CDH9: variants seen among roughly 807,000 people sequenced by gnomAD.
CDH9 encodes the protein cadherin 9, also known as cadherin-9.
Under a neutral mutation model 70.9 loss-of-function variants are expected in CDH9, and 28 were observed. The observed-to-expected ratio is 0.40, with a 90% CI of 0.29 to 0.54. CDH9 has a LOEUF of 0.54. CDH9 is among the 20% of genes least tolerant of loss of function. The probability of loss-of-function intolerance (pLI) is 0.59; values close to 1 mark genes in which losing one functional copy is unlikely to be tolerated. For missense variants in CDH9, 874 were observed against 984.4 expected, an observed-to-expected ratio of 0.89 and a Z score of 1.50; for synonymous variants, 409 against 343.1, an observed-to-expected ratio of 1.19 and a Z score of -2.12.
At chr5:26,945,304 C>A (rs1166695994) in intron 2 of CDH9, among the ~76,000 whole-genome samples, 1 of 151,638 alleles carries the variant, frequency 6.6e-6, no homozygotes, top group Non-Finnish European at 1.5e-5. Flanking sequence ...TTCTTACAAG[C>A]TTTAACTCAA....
At chr5:26,953,181 T>C (rs1218738835) in intron 2 of CDH9, among the ~76,000 whole-genome samples, 1 of 152,150 alleles carries the variant, frequency 6.6e-6, no homozygotes, top group Admixed American at 6.5e-5. Flanking sequence ...AACACTCTTC[T>C]TTAGAAAACC....
chr5:27,002,278 T>C (rs1579506209), intron 1 of CDH9, among the ~76,000 whole-genome samples: 1 of 152,154 alleles, frequency 6.6e-6, no homozygotes, highest in Non-Finnish European at 1.5e-5. Flanking sequence ...CAACAGGTGC[T>C]GGAGAGGATA....
chr5:26,881,264 C>A lies in CDH9; in HGVS notation c.2242G>T (p.Asp748Tyr). ...AGAGATTCCAAAGAACTGAGCGAAT[C>A]TGCTATGGAATCATTCCCTTCATAG... ...YAYEGNDSIA[D>Y]SLSSLESLTA... The change falls in exon 12 of 12, where the codon GAT (aspartate) becomes TAT (tyrosine). Residue 748 changes from aspartate (D) to tyrosine (Y), a missense_variant. By Grantham distance (160) the Asp-to-Tyr change is radical. Coordinates refer to ENST00000231021, the MANE Select transcript of CDH9 (RefSeq NM_016279.4). The A allele has an allele frequency of 6.2e-7, 1 of 1,613,476 alleles. No homozygotes were observed. The highest frequency in any genetic ancestry group is 8.5e-7 in the Non-Finnish European group (1 of 1,179,540).
chr5:26,950,988 G>C (rs930000746), intron 2 of CDH9, among the ~76,000 whole-genome samples: 3 of 151,998 alleles, frequency 2.0e-5, no homozygotes, highest in African/African-American at 7.2e-5. Flanking sequence ...TTGCATTGCT[G>C]GGGAGACACT....
In CDH9 at chr5:26,906,095, G is replaced by A. The variant is rs1295021778; in HGVS notation, c.675C>T (p.Ser225=). ...GIIKTALPDM[S]RENREQYQVV... is the part of the protein sequence containing the mutation. Reference sequence around the variant, plus strand: ...CCTGGTACTGCTCTCTATTTTCTCTGCTCATGTCTGGTAATGCAGTTTTTA... The same window carrying A: ...CCTGGTACTGCTCTCTATTTTCTCTACTCATGTCTGGTAATGCAGTTTTTA... Residue 225 remains serine, a synonymous_variant, in exon 5 of 12, where the codon AGC becomes AGT. Coordinates refer to ENST00000231021, the MANE Select transcript of CDH9 (RefSeq NM_016279.4). The A allele has an allele frequency of 1.2e-6, 2 of 1,613,092 alleles. No individual in the cohort carries two copies. The highest frequency in any genetic ancestry group is 1.7e-6 in the Non-Finnish European group (2 of 1,179,440).
chr5:27,008,519 C>G (rs1000254417), intron 1 of CDH9, among the ~76,000 whole-genome samples: 4 of 151,514 alleles, frequency 2.6e-5, no homozygotes, highest in Non-Finnish European at 5.9e-5. Context: ...ATAGCAAGAA[C>G]CTAAGAAATA....
chr5:26,966,934 A>G (rs1282993922), intron 2 of CDH9, among the ~76,000 whole-genome samples: 1 of 151,494 alleles, frequency 6.6e-6, no homozygotes, highest in Non-Finnish European at 1.5e-5. Context: ...AAGTGTATTT[A>G]TTTATTTATT....
chr5:26,940,016 A>G (rs1415377194), intron 2 of CDH9, among the ~76,000 whole-genome samples: 1 of 151,930 alleles, frequency 6.6e-6, no homozygotes, highest in Admixed American at 6.6e-5. Flanking sequence ...AAAATTATCC[A>G]AGCATGGTGG....
At chr5:26,974,622 A>C (rs1303997120) in intron 2 of CDH9, among the ~76,000 whole-genome samples, 1 of 152,184 alleles carries the variant, frequency 6.6e-6, no homozygotes, top group Admixed American at 6.5e-5. Flanking sequence ...TTTTTATAAA[A>C]TACAAAAGAC....
At chr5:26,905,320 A>T (rs930409224) in intron 5 of CDH9, among the ~76,000 whole-genome samples, 4 of 152,226 alleles carry the variant, frequency 2.6e-5, no homozygotes, top group Non-Finnish European at 4.4e-5. Context: ...GTGTTAACTG[A>T]TGTAATCTTC....
chr5:26,985,857 C>A (rs1279109165), intron 2 of CDH9, among the ~76,000 whole-genome samples: 1 of 152,066 alleles, frequency 6.6e-6, no homozygotes, highest in Non-Finnish European at 1.5e-5. Flanking sequence ...CTTATCAGAA[C>A]TCATATGTTT....
intron 8 of CDH9, 140 bp downstream of exon 8, chr5:26,890,288 G>A: frequency 2.9e-6 from 2 of 680,380 alleles, no homozygotes; most frequent in Non-Finnish European, 5.1e-6. Context: ...ATTTAAAAAT[G>A]TGTTGATATT....
At chr5:26,930,882 T>G (rs561549336) in intron 2 of CDH9, among the ~76,000 whole-genome samples, 2 of 152,282 alleles carry the variant, frequency 1.3e-5, no homozygotes, top group East Asian at 3.9e-4. Flanking sequence ...TAAATGTATT[T>G]CTTTGTTTAT....
At chr5:27,028,640 T>C (rs1743261284) in intron 1 of CDH9, among the ~76,000 whole-genome samples, 1 of 152,046 alleles carries the variant, frequency 6.6e-6, no homozygotes, top group Admixed American at 6.6e-5. Flanking sequence ...AAAGTACACT[T>C]GGAGATAATT....
In CDH9 at chr5:26,990,673, G is replaced by C. The variant is rs1476004741; in HGVS notation, c.-49-2291C>G. On this transcript the variant is annotated intron_variant, in intron 1 of 11. Coordinates refer to ENST00000231021, the MANE Select transcript of CDH9 (RefSeq NM_016279.4). ...CCCAGAACATGCCCCATGTTTTGTA[G>C]CTGAGTGATGCTGTAGTGGAAAATG... Among the ~76,000 whole-genome samples, 5 of 152,178 alleles carry C rather than the reference G, an allele frequency of 3.3e-5. No individual in the cohort carries two copies. In the East Asian group the frequency reaches 9.6e-4, roughly 29 times the overall value.
intron 1 of CDH9, among the ~76,000 whole-genome samples, chr5:26,999,345 C>T (rs1742724552): frequency 6.6e-6 from 1 of 152,120 alleles, no homozygotes; most frequent in African/African-American, 2.4e-5. Flanking sequence ...GACTTCTCTT[C>T]ATATAAGGAT....
At chr5:26,897,998 C>T (rs1229650525) in intron 7 of CDH9, among the ~76,000 whole-genome samples, 2 of 152,020 alleles carry the variant, frequency 1.3e-5, no homozygotes, top group East Asian at 3.9e-4. Context: ...AATCAATGTG[C>T]AAAAATCACA....
At chr5:26,915,550 ATCATAACCACAAG>A in intron 3 of CDH9, 67 bp downstream of exon 3, 1 of 822,890 alleles carries the variant, frequency 1.2e-6, no homozygotes, top group Non-Finnish European at 2.0e-6. Context: ...GAGGCCACAT[ATCATAACCACAAG>A]TCAATAATAA....
At chr5:26,922,529 A>G (rs115976073) in intron 2 of CDH9, among the ~76,000 whole-genome samples, 4,253 of 152,154 alleles carry the variant, frequency 0.028, 112 homozygotes, top group Middle Eastern at 0.085. Flanking sequence ...ATAAAGATTT[A>G]CATAGACAAA....
Sources: gnomAD v4.1 joint callset for allele counts (sites outside exome capture counted in the v4.1 genomes callset) on GRCh38, gnomAD v4.1.1 for gene constraint, MANE v1.5 for transcripts, NCBI Gene and HGNC (gene_info 2026-07-23, HGNC 2026-07-21) for gene names.